The following DNAH7 variants were observed in gnomAD, a reference collection of about 807,000 sequenced individuals.
The protein encoded by DNAH7 is dynein axonemal heavy chain 7, also known as axonemal beta dynein heavy chain 7.
DNAH7 carries 397 observed loss-of-function variants against 444.6 expected under a neutral mutation model. The observed-to-expected ratio is 0.89, with a 90% CI of 0.82 to 0.97. The LOEUF (loss-of-function observed/expected upper bound fraction) is 0.97. Ranked by LOEUF, DNAH7 falls within the 50% of genes least tolerant of loss-of-function variation. The probability of loss-of-function intolerance (pLI) is 0.00; values close to 1 mark genes in which losing one functional copy is unlikely to be tolerated. For missense variants in DNAH7, 4,902 were observed against 4,800.8 expected (o/e 1.02, Z -0.62); for synonymous variants, 1,636 against 1,624.4 (o/e 1.01, Z -0.17).
intron 42 of DNAH7, among the ~76,000 whole-genome samples, chr2:195,860,518 T>C (rs931561788): frequency 1.3e-5 from 2 of 152,054 alleles, no homozygotes; most frequent in African/African-American, 4.8e-5. Context: ...AAAGGTATGA[T>C]TCAAACACAG....
intron 49 of DNAH7, among the ~76,000 whole-genome samples, chr2:195,820,462 T>C (rs968327314): frequency 6.8e-6 from 1 of 146,102 alleles, no homozygotes; most frequent in East Asian, 2.0e-4. Context: ...TAAAGTAAAA[T>C]TAAAAAAAAA....
intron 49 of DNAH7, 77 bp from the exon 50 acceptor site, chr2:195,817,906 C>A (rs975417): frequency 0.71 from 817,246 of 1,143,528 alleles, 293,913 homozygotes; most frequent in African/African-American, 0.76. Context: ...TCAAGTTCTG[C>A]CCTTAAAATA....
rs1434256371 is a variant in DNAH7, at chr2:195,881,776, A to AG, written c.5961+18dup. 6.2e-7 allele frequency: 1 copy of AG among 1,606,146 alleles called. No homozygotes were observed. Among genetic ancestry groups the AG allele is most frequent in the Non-Finnish European group, 8.5e-7 (1 of 1,173,138 alleles). The stretch of plus-strand genomic sequence containing the variant: ...GAAGATTATGCACAGTTTAATACGC[A>AG]GATTTCTGCAGTACTTACCGTAATG... On this transcript the variant is annotated intron_variant, in intron 36 of 64. Coordinates refer to ENST00000312428, the MANE Select transcript of DNAH7 (RefSeq NM_018897.3).
intron 32 of DNAH7, 109 bp from the exon 33 acceptor site, chr2:195,888,543 G>A: frequency 8.7e-7 from 1 of 1,152,900 alleles, no homozygotes. Flanking sequence ...GCGGGGGGAA[G>A]CTTAATATTA....
intron 18 of DNAH7, among the ~76,000 whole-genome samples, chr2:195,957,860 T>C (rs1436767849): frequency 6.6e-6 from 1 of 152,168 alleles, no homozygotes; most frequent in African/African-American, 2.4e-5. Context: ...CTTTCTGCTA[T>C]CTAGTTCCAT....
chr2:195,991,530 TG>T (rs1693341492), intron 12 of DNAH7, among the ~76,000 whole-genome samples: 1 of 152,232 alleles, frequency 6.6e-6, no homozygotes, highest in Admixed American at 6.5e-5. Context: ...GAAAATATTC[TG>T]GCAGTGTTTA....
chr2:195,840,124 C>T (rs79737428), intron 47 of DNAH7, among the ~76,000 whole-genome samples: 697 of 151,582 alleles, frequency 4.6e-3, no homozygotes, highest in Non-Finnish European at 6.3e-3. Context: ...ATTAGCAAAT[C>T]GAATCCAAAA....
At chr2:196,029,249 C>CTTT (rs869068436) in intron 5 of DNAH7, among the ~76,000 whole-genome samples, 6 of 135,270 alleles carry the variant, frequency 4.4e-5, no homozygotes, top group African/African-American at 1.5e-4. Flanking sequence ...ACCTCAGTAA[C>CTTT]TTTTGTTTGT....
At chr2:195,742,964 A>C (rs1192859259) in intron 63 of DNAH7, among the ~76,000 whole-genome samples, 1 of 152,146 alleles carries the variant, frequency 6.6e-6, no homozygotes, top group Non-Finnish European at 1.5e-5. Flanking sequence ...AGTCAATTGG[A>C]TTGGGAGAGG....
rs376783448 is a variant in DNAH7 at position 195,864,777 on chromosome 2, C to T, written c.6878G>A (p.Arg2293Gln). 1.1e-5 allele frequency: 17 copies of T among 1,614,044 alleles called. No individual in the cohort carries two copies. Among genetic ancestry groups the T allele is most frequent in the Non-Finnish European group, 1.4e-5 (16 of 1,180,036 alleles). The change falls in exon 41 of 65, where the codon CGA (arginine) becomes CAA (glutamine). Residue 2293 changes from arginine to glutamine, a missense_variant. Physicochemically the swap from Arg to Gln is conservative, Grantham distance 43. Coordinates refer to ENST00000312428, the MANE Select transcript of DNAH7 (RefSeq NM_018897.3). The stretch of plus-strand genomic sequence containing the variant: ...TTCTAGGTGAATTTCTACTATCATT[C>T]GAAGATTATCCACATCTGCGATTTC... ...YREIADVDNL[R>Q]MIVEIHLEEY... is the part of the protein sequence containing the mutation.
At position 195,740,585 on chromosome 2, in the gene DNAH7, ATGTG is replaced by A. The variant is rs71015727; in HGVS notation, c.11868+177_11868+180del. ...CATGAATAACAAGAATTGACTGTATATGTGTGTGTGTGTGTGTGTGTGTGTGTGT... is the reference window on the plus strand; with the variant it reads ...CATGAATAACAAGAATTGACTGTATATGTGTGTGTGTGTGTGTGTGTGTGT... On this transcript the variant is annotated intron_variant, in intron 64 of 64. Transcript: ENST00000312428. Among the ~76,000 whole-genome samples, 425 of 132,346 alleles carry A rather than the reference ATGTG, an allele frequency of 3.2e-3. 2 individuals are homozygous for A. The highest frequency in any genetic ancestry group is 3.9e-3 in the Admixed American group (51 of 13,048). 86.8% of individuals were successfully genotyped at this position (132,346 alleles called of 152,430 possible).
chr2:195,910,072 G>A lies in DNAH7; in HGVS notation c.4059C>T (p.Asn1353=). The A allele has an allele frequency of 1.2e-6, 2 of 1,613,860 alleles. No homozygotes were observed. Among genetic ancestry groups the A allele is most frequent in the Middle Eastern group, 3.3e-4 (2 of 6,060 alleles). ...KAVAKQCVVF[N]CSDGLDYLAL... The stretch of plus-strand genomic sequence containing the variant: ...CCAAATAATCCAACCCATCAGAGCA[G>A]TTGAAAACAACACATTGTTTGGCTA... Residue 1353 remains asparagine (N), a synonymous_variant, in exon 25 of 65, where the codon AAC becomes AAT. Transcript: ENST00000312428.
chr2:195,947,238 C>A (rs1222802540), intron 19 of DNAH7, among the ~76,000 whole-genome samples: 8 of 151,396 alleles, frequency 5.3e-5, no homozygotes. Flanking sequence ...CTCAGGTAAT[C>A]CACCGCCTTG....
At chr2:196,061,200 C>T (rs961241700) in intron 1 of DNAH7, among the ~76,000 whole-genome samples, 18 of 151,972 alleles carry the variant, frequency 1.2e-4, no homozygotes, top group African/African-American at 4.3e-4. Flanking sequence ...TTCTCCTGTT[C>T]CTTCTCATTT....
chr2:195,907,916 G>C (rs931300712), intron 25 of DNAH7, among the ~76,000 whole-genome samples: 2 of 152,036 alleles, frequency 1.3e-5, no homozygotes, highest in Non-Finnish European at 2.9e-5. Flanking sequence ...ACAGATCACA[G>C]AGAACAGAAT....
At chr2:195,877,768 TA>T (rs1701145587) in intron 36 of DNAH7, among the ~76,000 whole-genome samples, 1 of 152,232 alleles carries the variant, frequency 6.6e-6, no homozygotes, top group African/African-American at 2.4e-5. Context: ...GGAAGGCTTT[TA>T]CTCCTCCCAT....
At chr2:195,878,400 A>G (rs762039936) in intron 36 of DNAH7, among the ~76,000 whole-genome samples, 2 of 152,086 alleles carry the variant, frequency 1.3e-5, no homozygotes, top group African/African-American at 2.4e-5. Flanking sequence ...TGAGCCCAGG[A>G]GTTGGAGATC....
At chr2:195,944,125 G>A (rs1689645487) in intron 19 of DNAH7, among the ~76,000 whole-genome samples, 1 of 152,082 alleles carries the variant, frequency 6.6e-6, no homozygotes, top group African/African-American at 2.4e-5. Context: ...AGGAAAGTTA[G>A]AAAACCAATA....
At chr2:195,827,814 C>G (rs1390199426) in intron 48 of DNAH7, among the ~76,000 whole-genome samples, 1 of 152,042 alleles carries the variant, frequency 6.6e-6, no homozygotes, top group Non-Finnish European at 1.5e-5. Flanking sequence ...TGGGCTCAAC[C>G]AATCCTCTTA....
Sources: allele counts gnomAD v4.1 joint callset (sites outside exome capture counted in the v4.1 genomes callset), GRCh38; gene constraint gnomAD v4.1.1; transcripts MANE v1.5; gene names NCBI Gene and HGNC (gene_info 2026-07-23, HGNC 2026-07-21).